The following SIPA1L3 variants were observed in gnomAD, a reference collection of about 807,000 sequenced individuals.
SIPA1L3 encodes signal-induced proliferation-associated 1-like protein 3.
A neutral mutation model predicts 150.1 loss-of-function variants in SIPA1L3; 59 were observed. That is an observed-to-expected ratio of 0.39 (90% CI 0.32 to 0.49). The LOEUF is 0.49. Among genes scored for constraint, SIPA1L3 ranks in the 20% least tolerant of loss-of-function variants. The pLI, the probability that SIPA1L3 is intolerant of heterozygous loss-of-function variation, is 0.86. For synonymous variants in SIPA1L3, 1,070 were observed against 1,077.6 expected (o/e 0.99, Z 0.14); for missense variants, 2,211 against 2,489.5 (o/e 0.89, Z 2.38).
intron 1 of SIPA1L3, among the ~76,000 whole-genome samples, chr19:37,987,471 G>C (rs1278028544): frequency 6.6e-6 from 1 of 152,188 alleles, no homozygotes; most frequent in East Asian, 1.9e-4. Flanking sequence ...ATCACTCTTT[G>C]ATGTCAGAAT....
chr19:37,998,120 C>T (rs757453435), intron 1 of SIPA1L3, among the ~76,000 whole-genome samples: 8 of 152,180 alleles, frequency 5.3e-5, no homozygotes, highest in Non-Finnish European at 1.2e-4. Flanking sequence ...AGGGCACTGC[C>T]AGGCACATGG....
Position 38,141,350 on chromosome 19 carries a change from C to T in SIPA1L3, c.3310C>T (p.Pro1104Ser), listed in dbSNP as rs145529886. The change falls in exon 11 of 22, where the codon CCC becomes TCC. Residue 1104 changes from proline (P) to serine (S), a missense_variant. Pro to Ser is a moderately conservative substitution (Grantham distance 74, BLOSUM62 -1). Transcript: ENST00000222345. ...PASKWATPTTPGHAQSLSRPL... is the reference protein window; with the variant it reads ...PASKWATPTTSGHAQSLSRPL... ...CTCCAAGTGGGCCACTCCAACCACTCCCGGCCATGCCCAGTCCCTGAGCCG... is the reference window on the plus strand; with the variant it reads ...CTCCAAGTGGGCCACTCCAACCACTTCCGGCCATGCCCAGTCCCTGAGCCG... 1.6e-5 allele frequency: 26 copies of T among 1,614,012 alleles called. No individual in the cohort carries two copies. The African/African-American group carries it at 2.4e-4, about 15-fold the overall frequency.
At chr19:38,185,716 G>C (rs1260738750) in intron 16 of SIPA1L3, 1 of 152,132 alleles carries the variant, frequency 6.6e-6, no homozygotes, top group Non-Finnish European at 1.5e-5. Context: ...CTCTTCGCAT[G>C]ATGTTCTCCC....
chr19:37,975,816 G>A (rs1967061278), intron 1 of SIPA1L3, among the ~76,000 whole-genome samples: 1 of 151,798 alleles, frequency 6.6e-6, no homozygotes, highest in African/African-American at 2.4e-5. Context: ...TTCAGAAATG[G>A]GGGGTTGGCC....
At chr19:38,170,623 A>G (rs973470535) in intron 15 of SIPA1L3, among the ~76,000 whole-genome samples, 4 of 152,222 alleles carry the variant, frequency 2.6e-5, no homozygotes, top group African/African-American at 4.8e-5. Flanking sequence ...TGGAACAGGC[A>G]GACCAGATCC....
intron 13 of SIPA1L3, among the ~76,000 whole-genome samples, chr19:38,157,990 CA>C (rs1359396244): frequency 2.0e-5 from 3 of 152,172 alleles, no homozygotes; most frequent in Admixed American, 6.5e-5. Flanking sequence ...TCTGTAATCC[CA>C]GCACTTTCGG....
chr19:38,057,159 T>C (rs1969335635), intron 2 of SIPA1L3, among the ~76,000 whole-genome samples: 1 of 151,952 alleles, frequency 6.6e-6, no homozygotes, highest in Non-Finnish European at 1.5e-5. Context: ...TAATCCCAGC[T>C]ACTCAGGAGG....
intron 6 of SIPA1L3, among the ~76,000 whole-genome samples, chr19:38,102,884 T>G (rs12983797): frequency 0.55 from 83,888 of 151,760 alleles, 24,069 homozygotes; most frequent in East Asian, 0.74. Context: ...CAGCACTTTG[T>G]GAGGCCGAGG....
At chr19:38,029,998 G>A (rs533085646) in intron 2 of SIPA1L3, among the ~76,000 whole-genome samples, 1 of 152,142 alleles carries the variant, frequency 6.6e-6, no homozygotes, top group East Asian at 1.9e-4. Context: ...GGGATTACAG[G>A]CCCCTGACAT....
chr19:37,912,465 G>A (rs1380770133), intron 1 of SIPA1L3, among the ~76,000 whole-genome samples: 3 of 152,046 alleles, frequency 2.0e-5, no homozygotes, highest in Non-Finnish European at 4.4e-5. Context: ...GGTTTCATAA[G>A]ATTATCTATG....
intron 2 of SIPA1L3, among the ~76,000 whole-genome samples, chr19:38,035,303 T>A (rs62121387): frequency 0.022 from 3,420 of 152,316 alleles, 62 homozygotes; most frequent in Middle Eastern, 0.071. Flanking sequence ...CCATCATTGA[T>A]TGGGCACCTC....
At chr19:37,969,533 C>T (rs1247422710) in intron 1 of SIPA1L3, among the ~76,000 whole-genome samples, 1 of 151,746 alleles carries the variant, frequency 6.6e-6, no homozygotes, top group Non-Finnish European at 1.5e-5. Context: ...GCCTGGGTGA[C>T]AGAGTTATAC....
chr19:37,909,638 T>C lies in SIPA1L3; in HGVS notation c.-379+2280T>C, dbSNP rs1255870912. Among the ~76,000 whole-genome samples, 7 of 152,194 alleles carry C rather than the reference T, an allele frequency of 4.6e-5. No homozygotes were observed. The East Asian group carries it at 1.2e-3, about 25-fold the overall frequency. On this transcript the variant is annotated intron_variant, in intron 1 of 21. Coordinates refer to ENST00000222345, the MANE Select transcript of SIPA1L3 (RefSeq NM_015073.3). ...TGGCTGTGGATGTGGCATGAAAGCCTGGCTTTCAGGGGACCCAGTTCTGTG... is the reference window on the plus strand; with the variant it reads ...TGGCTGTGGATGTGGCATGAAAGCCCGGCTTTCAGGGGACCCAGTTCTGTG...
At chr19:38,124,454 A>C (rs1485459918) in intron 9 of SIPA1L3, among the ~76,000 whole-genome samples, 2 of 137,940 alleles carry the variant, frequency 1.4e-5, no homozygotes, top group Non-Finnish European at 3.1e-5. Flanking sequence ...GGCGGCCGGG[A>C]AGAGGCGCTC....
chr19:37,925,509 C>T (rs1283607518), intron 1 of SIPA1L3, among the ~76,000 whole-genome samples: 1 of 151,354 alleles, frequency 6.6e-6, no homozygotes, highest in Non-Finnish European at 1.5e-5. Flanking sequence ...GAGATATTTG[C>T]AGATCTCTTA....
chr19:38,034,851 T>C (rs1470017214), intron 2 of SIPA1L3, among the ~76,000 whole-genome samples: 2 of 152,198 alleles, frequency 1.3e-5, no homozygotes, highest in African/African-American at 2.4e-5. Flanking sequence ...TTCTAGCCTT[T>C]TCTTTCTCTG....
Position 38,198,514 on chromosome 19 carries a change from G to C in SIPA1L3, c.4966G>C (p.Ala1656Pro). The C allele has an allele frequency of 6.4e-7, 1 of 1,574,794 alleles. No individual in the cohort carries two copies. The highest frequency in any genetic ancestry group is 8.6e-7 in the Non-Finnish European group (1 of 1,161,870). ...AGLEWSSLVN[A>P]AKAYEVQRAV... ...CCTCGAGTGGTCCAGCCTGGTGAAC[G>C]CAGCCAAGGCATACGAAGGTAGGCG... Residue 1656 changes from alanine to proline, a missense_variant, in exon 19 of 22, where the codon GCA (alanine) becomes CCA (proline). Ala to Pro is a conservative substitution (Grantham distance 27). Coordinates refer to ENST00000222345, the MANE Select transcript of SIPA1L3 (RefSeq NM_015073.3).
intron 10 of SIPA1L3, among the ~76,000 whole-genome samples, chr19:38,137,160 C>CCATGCTG (rs979959339): frequency 2.6e-5 from 4 of 152,138 alleles, no homozygotes; most frequent in Non-Finnish European, 5.9e-5. Context: ...CTGTACCTCT[C>CCATGCTG]CATGCTGCAT....
intron 2 of SIPA1L3, among the ~76,000 whole-genome samples, chr19:38,035,500 A>T (rs1188250880): frequency 6.6e-6 from 1 of 152,202 alleles, no homozygotes; most frequent in East Asian, 1.9e-4. Context: ...GGGAGATGAA[A>T]GCAAAAATGG....
Sources: gnomAD v4.1 joint callset for allele counts (sites outside exome capture counted in the v4.1 genomes callset) on GRCh38, gnomAD v4.1.1 for gene constraint, MANE v1.5 for transcripts, NCBI Gene and HGNC (gene_info 2026-07-23, HGNC 2026-07-21) for gene names.